The following NLGN4Y variants were observed in gnomAD, a reference collection of about 807,000 sequenced individuals.
The protein encoded by NLGN4Y is neuroligin-4, Y-linked.
In NLGN4Y, 4 loss-of-function variants were observed where a neutral mutation model predicts 8.4. The observed-to-expected ratio is 0.48, with a 90% CI of 0.23 to 1.09. The LOEUF (loss-of-function observed/expected upper bound fraction) is 1.09. Among genes scored for constraint, NLGN4Y ranks in the 50% least tolerant of loss-of-function variants. NLGN4Y has a pLI of 0.19. For synonymous variants in NLGN4Y, 35 were observed against 75.6 expected, an observed-to-expected ratio of 0.46 and a Z score of 2.78; for missense variants, 90 against 192.3, an observed-to-expected ratio of 0.47 and a Z score of 3.15.
intron 1 of NLGN4Y, among the ~76,000 whole-genome samples, chrY:14,528,059 G>A: frequency 3.1e-5 from 1 of 32,677 alleles, no homozygotes; most frequent in Non-Finnish European, 7.5e-5. Flanking sequence ...TAAATAAAAG[G>A]CTCATAAAAA....
intron 1 of NLGN4Y, among the ~76,000 whole-genome samples, chrY:14,573,099 T>C (rs2080279766): frequency 3.0e-5 from 1 of 33,463 alleles, no homozygotes; most frequent in Non-Finnish European, 7.4e-5. Context: ...GTCAGGATGA[T>C]GCTGGCCTCA....
chrY:14,661,484 C>A (rs1603502272), intron 2 of NLGN4Y, among the ~76,000 whole-genome samples: 1 of 32,355 alleles, frequency 3.1e-5, no homozygotes, highest in East Asian at 8.2e-4. Context: ...ACCCCTGAAC[C>A]TAAACTAAAA....
At chrY:14,526,851 C>G in intron 1 of NLGN4Y, among the ~76,000 whole-genome samples, 1 of 33,007 alleles carries the variant, frequency 3.0e-5, no homozygotes, top group African/African-American at 1.2e-4. Flanking sequence ...TATCTTGATG[C>G]TGTAAAATTT....
At chrY:14,579,714 A>T (rs1010051782) in intron 1 of NLGN4Y, among the ~76,000 whole-genome samples, 1 of 32,764 alleles carries the variant, frequency 3.1e-5, no homozygotes, top group Non-Finnish European at 7.5e-5. Context: ...CCTGTCTCTA[A>T]AAACAACAAC....
intron 1 of NLGN4Y, among the ~76,000 whole-genome samples, chrY:14,548,905 C>T (rs765328997): frequency 1.5e-3 from 51 of 33,281 alleles, no homozygotes; most frequent in Non-Finnish European, 2.4e-3. Flanking sequence ...CTCTTCCTTC[C>T]TTCCTACTGT....
chrY:14,704,204 G>A (rs2080866812), intron 2 of NLGN4Y, among the ~76,000 whole-genome samples: 1 of 32,990 alleles, frequency 3.0e-5, no homozygotes, highest in African/African-American at 1.2e-4. Context: ...GTGTTGAATT[G>A]GAGTGGTGAG....
intron 1 of NLGN4Y, among the ~76,000 whole-genome samples, chrY:14,562,756 C>T: frequency 3.0e-5 from 1 of 33,174 alleles, no homozygotes; most frequent in African/African-American, 1.2e-4. Flanking sequence ...TGAAGAGGTC[C>T]TTCACATCCC....
At chrY:14,628,948 C>T in intron 2 of NLGN4Y, among the ~76,000 whole-genome samples, 2 of 31,969 alleles carry the variant, frequency 6.3e-5, no homozygotes, top group Non-Finnish European at 1.5e-4. Context: ...GTGCACTCCA[C>T]CACACCTGGC....
At chrY:14,821,247 T>G in intron 4 of NLGN4Y, among the ~76,000 whole-genome samples, 1 of 33,372 alleles carries the variant, frequency 3.0e-5, no homozygotes, top group African/African-American at 1.2e-4. Context: ...CTGTGAGTGT[T>G]ACAGATCTTA....
rs748738960 is a variant in NLGN4Y at position 14,565,114 on chromosome Y, C to A, written c.-112+40406C>A. Among the ~76,000 whole-genome samples the A allele has an allele frequency of 1.2e-4, 4 of 32,503 alleles. No individual in the cohort carries two copies. The East Asian group carries it at 3.4e-3, about 27-fold the overall frequency. 87.2% of individuals were successfully genotyped at this position (32,503 alleles called of 37,273 possible). On this transcript the variant is annotated intron_variant, in intron 1 of 6. Transcript: ENST00000684976. The stretch of plus-strand genomic sequence containing the variant: ...TCCAAAAACCAGGATGCCTCTCCTC[C>A]TCCAGAGGATCACAACTCCTCACCA...
intron 2 of NLGN4Y, among the ~76,000 whole-genome samples, chrY:14,707,089 GTGTA>G (rs2080882581): frequency 3.0e-4 from 2 of 6,686 alleles, no homozygotes; most frequent in African/African-American, 5.2e-4. Flanking sequence ...TCAATTTTAT[GTGTA>G]TATATATATA....
chrY:14,843,734 G>A lies in NLGN4Y; in HGVS notation c.*2472G>A. On this transcript the variant is annotated 3_prime_UTR_variant, in exon 7 of 7. Transcript: ENST00000684976. ...AATATACTTGCTATTTATAGAAAACGAGAAAAAAGAAAAAAATGAGAAACA... is the reference window on the plus strand; with the variant it reads ...AATATACTTGCTATTTATAGAAAACAAGAAAAAAGAAAAAAATGAGAAACA... The A allele has an allele frequency of 8.3e-6, 1 of 119,934 alleles. No individual in the cohort carries two copies. The allele number at this position is 119,934 out of a possible 400,897, so 29.9% of individuals were successfully genotyped here. A position where few individuals can be genotyped will look rare whatever the true frequency, so the allele number is the denominator to read the frequency against.
chrY:14,833,445 G>A (rs1039051351), intron 6 of NLGN4Y, among the ~76,000 whole-genome samples: 1 of 33,865 alleles, frequency 3.0e-5, no homozygotes, highest in South Asian at 6.6e-4. Context: ...TTTAGAGATT[G>A]CAGTAAAGGC....
At chrY:14,707,091 GTATATATATATATA>G (rs1460684278) in intron 2 of NLGN4Y, among the ~76,000 whole-genome samples, 2 of 3,887 alleles carry the variant, frequency 5.1e-4, no homozygotes, top group African/African-American at 9.1e-4. Flanking sequence ...AATTTTATGT[GTATATATATATATA>G]TATATATATA....
Position 14,580,877 on chromosome Y carries a change from GAAAAAAAA to G in NLGN4Y, c.-111-41112_-111-41105del, listed in dbSNP as rs748606939. ...AACATAGTGAAACCCCATCTGTATG[GAAAAAAAA>G]AAAAAAAAAAAAAAAAAAAGAAAAA... On this transcript the variant is annotated intron_variant, in intron 1 of 6. Coordinates refer to ENST00000684976, the MANE Select transcript of NLGN4Y (RefSeq NM_001365588.1). Among the ~76,000 whole-genome samples, 9 of 3,099 alleles carry G rather than the reference GAAAAAAAA, an allele frequency of 2.9e-3. No homozygotes were observed. The East Asian group carries it at 0.037, about 13-fold the overall frequency. The allele number at this position is 3,099 out of a possible 37,273, so 8.3% of individuals were successfully genotyped here. A position where few individuals can be genotyped will look rare whatever the true frequency, so the allele number is the denominator to read the frequency against.
chrY:14,651,546 T>C, intron 2 of NLGN4Y, among the ~76,000 whole-genome samples: 1 of 33,609 alleles, frequency 3.0e-5, no homozygotes, highest in African/African-American at 1.2e-4. Flanking sequence ...TTGGATTTTC[T>C]ATTATTTGTA....
At chrY:14,562,369 A>G in intron 1 of NLGN4Y, among the ~76,000 whole-genome samples, 1 of 33,133 alleles carries the variant, frequency 3.0e-5, no homozygotes, top group African/African-American at 1.2e-4. Context: ...CAAAGATCAG[A>G]TGGTTGTACC....
intron 2 of NLGN4Y, among the ~76,000 whole-genome samples, chrY:14,702,417 GT>G (rs2080854758): frequency 3.1e-5 from 1 of 31,834 alleles, no homozygotes; most frequent in Non-Finnish European, 7.6e-5. Flanking sequence ...GTGGTGTTTG[GT>G]TTTTTGTCCT....
intron 1 of NLGN4Y, among the ~76,000 whole-genome samples, chrY:14,528,740 C>T (rs2080101334): frequency 6.0e-5 from 2 of 33,064 alleles, no homozygotes; most frequent in Non-Finnish European, 7.5e-5. Flanking sequence ...ATACTTTAGA[C>T]GGGAGATGAA....
Sources: gnomAD v4.1 joint callset for allele counts (sites outside exome capture counted in the v4.1 genomes callset) on GRCh38, gnomAD v4.1.1 for gene constraint, MANE v1.5 for transcripts, NCBI Gene and HGNC (gene_info 2026-07-23, HGNC 2026-07-21) for gene names.